The following MRPS31 variants were observed in gnomAD, a reference collection of about 807,000 sequenced individuals.
The protein encoded by MRPS31 is mitochondrial ribosomal protein S31, also known as small ribosomal subunit protein mS31.
A neutral mutation model predicts 43.1 loss-of-function variants in MRPS31; 32 were observed. The observed-to-expected ratio is 0.74, with a 90% CI of 0.56 to 1.00. The LOEUF (loss-of-function observed/expected upper bound fraction) is 1.00, where lower values mean the gene tolerates loss of function less well. MRPS31 is among the 50% of genes least tolerant of loss of function. The pLI is 0.00. For missense variants in MRPS31, 437 were observed against 466.7 expected (o/e 0.94, Z 0.59); for synonymous variants, 165 against 161.6 (o/e 1.02, Z -0.16).
intron 5 of MRPS31, among the ~76,000 whole-genome samples, chr13:40,753,163 G>A (rs1009699021): frequency 6.6e-6 from 1 of 152,052 alleles, no homozygotes; most frequent in African/African-American, 2.4e-5. Flanking sequence ...TTCTCTTTTA[G>A]ACTTAAAATG....
chr13:40,751,757 C>T (rs770174941), intron 5 of MRPS31, among the ~76,000 whole-genome samples: 8 of 152,132 alleles, frequency 5.3e-5, no homozygotes, highest in Non-Finnish European at 8.8e-5. Context: ...GGAACAAAAA[C>T]CATTCTTTAG....
At chr13:40,754,589 C>T (rs1472098868) in intron 4 of MRPS31, among the ~76,000 whole-genome samples, 3 of 152,154 alleles carry the variant, frequency 2.0e-5, no homozygotes, top group South Asian at 2.1e-4. Context: ...ACTTTCTTTA[C>T]GTGACTATTT....
intron 3 of MRPS31, among the ~76,000 whole-genome samples, chr13:40,758,358 C>T (rs973352773): frequency 6.6e-6 from 1 of 152,170 alleles, no homozygotes; most frequent in African/African-American, 2.4e-5. Flanking sequence ...CACACATGGC[C>T]ATTTCTTTTA....
chr13:40,769,149 G>A (rs1426718150), intron 1 of MRPS31, among the ~76,000 whole-genome samples: 1 of 151,700 alleles, frequency 6.6e-6, no homozygotes, highest in East Asian at 1.9e-4. Flanking sequence ...AGGCGGAGGT[G>A]GGCGGATCAT....
intron 2 of MRPS31, among the ~76,000 whole-genome samples, chr13:40,765,006 A>T (rs1171681290): frequency 6.6e-6 from 1 of 152,252 alleles, no homozygotes; most frequent in Non-Finnish European, 1.5e-5. Flanking sequence ...CAATGATGAC[A>T]GTGTCTCATG....
chr13:40,748,683 C>T (rs1880306651), intron 6 of MRPS31, among the ~76,000 whole-genome samples: 2 of 152,202 alleles, frequency 1.3e-5, no homozygotes, highest in South Asian at 4.1e-4. Context: ...TTTTTACTTT[C>T]ACTGGCTCAT....
intron 1 of MRPS31, among the ~76,000 whole-genome samples, chr13:40,767,758 A>C (rs946022018): frequency 7.9e-5 from 12 of 152,220 alleles, no homozygotes; most frequent in African/African-American, 1.2e-4. Flanking sequence ...ATTATTCTCA[A>C]ACCCAAATGT....
At chr13:40,751,652 A>G (rs1454940072) in intron 5 of MRPS31, among the ~76,000 whole-genome samples, 4 of 152,222 alleles carry the variant, frequency 2.6e-5, no homozygotes, top group Non-Finnish European at 5.9e-5. Flanking sequence ...CTGAATGCCA[A>G]CTGTATTTCC....
rs1566113996 is a variant in MRPS31 at position 40,771,126 on chromosome 13, C to CT, written c.10dup (p.Arg4LysfsTer52). On this transcript the variant is annotated frameshift_variant, in exon 1 of 7. Transcript: ENST00000323563. LOFTEE classifies it high-confidence loss of function. Reference sequence around the variant, plus strand: ...GCGAAGAGGTAGGAACGTCGAGACTCTAGGAAACATCGCCGAGACACGAAA... The same window carrying CT: ...GCGAAGAGGTAGGAACGTCGAGACTCTTAGGAAACATCGCCGAGACACGAAA... The CT allele has an allele frequency of 6.2e-7, 1 of 1,603,606 alleles. No homozygotes were observed. The highest frequency in any genetic ancestry group is 1.1e-5 in the South Asian group (1 of 90,562).
chr13:40,749,956 T>C (rs1046012450), intron 5 of MRPS31, among the ~76,000 whole-genome samples: 8 of 152,236 alleles, frequency 5.3e-5, no homozygotes, highest in African/African-American at 1.7e-4. Context: ...AACAGTTTGA[T>C]AGCTTCTTAA....
At chr13:40,740,791 TG>T (rs1212126167) in intron 6 of MRPS31, among the ~76,000 whole-genome samples, 1 of 60,594 alleles carries the variant, frequency 1.7e-5, no homozygotes, top group Non-Finnish European at 3.0e-5. Flanking sequence ...TGTGGTGGGG[TG>T]GGGGGAGGGG....
At chr13:40,757,132 A>G (rs529845844) in intron 3 of MRPS31, 119 bp from the exon 4 acceptor site, 9 of 706,110 alleles carry the variant, frequency 1.3e-5, no homozygotes, top group East Asian at 2.9e-5. Context: ...CACTAATTAC[A>G]CAGCATAAAA....
At chr13:40,763,041 G>A (rs879295193) in intron 2 of MRPS31, among the ~76,000 whole-genome samples, 9 of 152,142 alleles carry the variant, frequency 5.9e-5, no homozygotes, top group African/African-American at 2.2e-4. Context: ...TTTCCAGCAG[G>A]GATCAATTAA....
chr13:40,770,862 T>G, intron 1 of MRPS31, 123 bp downstream of exon 1: 16 of 1,304,690 alleles, frequency 1.2e-5, no homozygotes, highest in Non-Finnish European at 1.7e-5. Context: ...TCATCTTTTC[T>G]TTCTGGGATT....
intron 6 of MRPS31, among the ~76,000 whole-genome samples, chr13:40,740,875 A>G (rs1880067207): frequency 6.6e-6 from 1 of 150,616 alleles, no homozygotes; most frequent in African/African-American, 2.4e-5. Flanking sequence ...AGCATGGCAC[A>G]TGTATACGTA....
In MRPS31 at chr13:40,737,012, T is replaced by C. The variant is rs1295352548; in HGVS notation, c.959-7411A>G. Among the ~76,000 whole-genome samples, 109 of 151,712 alleles carry C rather than the reference T, an allele frequency of 7.2e-4. 1 individual carries two copies. Among genetic ancestry groups the C allele is most frequent in the Admixed American group, 1.3e-3 (20 of 15,234 alleles). ...AAATTGGATAAAGAGTCAAGACCCATCAGTGTGCTGTATTCAGGAAACCCA... is the reference window on the plus strand; with the variant it reads ...AAATTGGATAAAGAGTCAAGACCCACCAGTGTGCTGTATTCAGGAAACCCA... On this transcript the variant is annotated intron_variant, in intron 6 of 6. Coordinates refer to ENST00000323563, the MANE Select transcript of MRPS31 (RefSeq NM_005830.4).
chr13:40,756,287 T>C (rs1880524571), intron 4 of MRPS31, among the ~76,000 whole-genome samples: 2 of 152,244 alleles, frequency 1.3e-5, no homozygotes, highest in Non-Finnish European at 2.9e-5. Context: ...AGAAACGTTA[T>C]GCAAATACAG....
At chr13:40,749,482 G>A in intron 5 of MRPS31, 1 of 374,044 alleles carries the variant, frequency 2.7e-6, no homozygotes, top group East Asian at 4.1e-5. Context: ...CTTAACTTTT[G>A]TTTTGCAACA....
chr13:40,751,991 G>A (rs1203591540), intron 5 of MRPS31, among the ~76,000 whole-genome samples: 1 of 151,278 alleles, frequency 6.6e-6, no homozygotes, highest in Non-Finnish European at 1.5e-5. Context: ...GCCTCTTTTG[G>A]CTGGACAACA....
Sources: allele counts gnomAD v4.1 joint callset (sites outside exome capture counted in the v4.1 genomes callset), GRCh38; gene constraint gnomAD v4.1.1; transcripts MANE v1.5; gene names NCBI Gene and HGNC (gene_info 2026-07-23, HGNC 2026-07-21).